The following MYOF variants were observed in gnomAD, a reference collection of about 807,000 sequenced individuals.
The protein encoded by MYOF is fer-1-like 3, myoferlin.
A neutral mutation model predicts 284.2 loss-of-function variants in MYOF; 244 were observed. The ratio of observed to expected loss-of-function variants is 0.86; its 90% CI spans 0.77 to 0.95. MYOF has a LOEUF of 0.95. MYOF is among the 40% of genes least tolerant of loss of function. The pLI is 0.00. For missense variants in MYOF, 2,496 were observed against 2,560.6 expected, an observed-to-expected ratio of 0.97 and a Z score of 0.54; for synonymous variants, 904 against 919.7, an observed-to-expected ratio of 0.98 and a Z score of 0.31.
intron 5 of MYOF, among the ~76,000 whole-genome samples, chr10:93,413,252 C>T (rs1245750685): frequency 6.6e-6 from 1 of 152,138 alleles, no homozygotes; most frequent in African/African-American, 2.4e-5. Flanking sequence ...AGACTTTAGG[C>T]TAAAGGGATG....
intron 39 of MYOF, among the ~76,000 whole-genome samples, chr10:93,338,823 T>C (rs895462860): frequency 3.3e-5 from 5 of 152,024 alleles, no homozygotes; most frequent in African/African-American, 9.7e-5. Context: ...TTGTGGAATA[T>C]TGTCAAACTA....
intron 1 of MYOF, among the ~76,000 whole-genome samples, chr10:93,481,270 G>A (rs1023247029): frequency 1.3e-5 from 2 of 151,972 alleles, no homozygotes; most frequent in African/African-American, 2.4e-5. Context: ...GCGTGATCAC[G>A]GCTCACTGTA....
At position 93,323,125 on chromosome 10, in the gene MYOF, G is replaced by A. The variant is rs34048939; in HGVS notation, c.5409C>T (p.Asp1803=). 87,193 of 1,610,274 alleles carry A rather than the reference G, an allele frequency of 0.054. 2,823 individuals are homozygous for A. The highest frequency in any genetic ancestry group is 0.089 in the Middle Eastern group (540 of 6,052). ...IIWNTKDVIL[D]EKSITGEEMS... ...TTTCCTCTCCTGTGATGCTTTTCTC[G>A]TCCAAGATAACGTCCTTGGTGTTCC... is the stretch of plus-strand genomic sequence containing the variant. Residue 1803 remains aspartate (D), a synonymous_variant, in exon 48 of 54, where the codon GAC becomes GAT. Coordinates refer to ENST00000359263, the MANE Select transcript of MYOF (RefSeq NM_013451.4).
chr10:93,452,359 T>C (rs1487589274), intron 2 of MYOF, among the ~76,000 whole-genome samples: 1 of 152,070 alleles, frequency 6.6e-6, no homozygotes. Flanking sequence ...AGACAACTCC[T>C]GGCTTCCTGC....
intron 43 of MYOF, among the ~76,000 whole-genome samples, chr10:93,331,708 G>A (rs1168138869): frequency 1.1e-4 from 17 of 148,438 alleles, no homozygotes; most frequent in Non-Finnish European, 2.1e-4. Flanking sequence ...GGGGGCGTAG[G>A]GGGGGTGGGG....
At chr10:93,444,632 C>T (rs2056375822) in intron 3 of MYOF, among the ~76,000 whole-genome samples, 1 of 152,170 alleles carries the variant, frequency 6.6e-6, no homozygotes, top group Non-Finnish European at 1.5e-5. Context: ...TGGTGAGGCC[C>T]AATGACAAGA....
At chr10:93,440,123 G>A (rs557633084) in intron 3 of MYOF, among the ~76,000 whole-genome samples, 67 of 152,212 alleles carry the variant, frequency 4.4e-4, no homozygotes, top group Non-Finnish European at 8.8e-4. Flanking sequence ...CATTATAAAA[G>A]ATTCCCCAGG....
chr10:93,472,566 G>T (rs1449761892), intron 1 of MYOF, among the ~76,000 whole-genome samples: 1 of 152,180 alleles, frequency 6.6e-6, no homozygotes, highest in Non-Finnish European at 1.5e-5. Context: ...TTGAACCCAG[G>T]AGGAGGAGGT....
In MYOF at chr10:93,399,507, T is replaced by C. The variant is rs1847175666; in HGVS notation, c.1118-12A>G. On this transcript the variant is annotated splice_polypyrimidine_tract_variant and intron_variant, in intron 12 of 53. Coordinates refer to ENST00000359263, the MANE Select transcript of MYOF (RefSeq NM_013451.4). Reference sequence around the variant, plus strand: ...GAAGGCATCATCCACTGGAAGGTAATAGTTATACAGCAGAAATTAAATTCA... The same window carrying C: ...GAAGGCATCATCCACTGGAAGGTAACAGTTATACAGCAGAAATTAAATTCA... The C allele has an allele frequency of 1.3e-6, 2 of 1,574,914 alleles. No homozygotes were observed. Among genetic ancestry groups the C allele is most frequent in the Non-Finnish European group, 1.7e-6 (2 of 1,153,550 alleles).
At chr10:93,317,502 T>C (rs1442498278) in intron 49 of MYOF, among the ~76,000 whole-genome samples, 1 of 152,096 alleles carries the variant, frequency 6.6e-6, no homozygotes, top group Non-Finnish European at 1.5e-5. Flanking sequence ...CTGGGTATGA[T>C]GGTGCATGCC....
intron 18 of MYOF, 137 bp downstream of exon 18, chr10:93,388,893 C>T: frequency 1.7e-6 from 2 of 1,181,758 alleles, no homozygotes; most frequent in Non-Finnish European, 2.3e-6. Flanking sequence ...ATGATCTCCA[C>T]AGTCTTTTCC....
intron 5 of MYOF, among the ~76,000 whole-genome samples, chr10:93,425,298 C>G (rs1360475992): frequency 6.6e-6 from 1 of 152,090 alleles, no homozygotes; most frequent in Admixed American, 6.5e-5. Context: ...CCCCTCCCTT[C>G]CTGGGACACA....
Position 93,319,766 on chromosome 10 carries a change from G to T in MYOF, c.5598+106C>A. Reference sequence around the variant, plus strand: ...TCCCCATCTCTGCTGAGAAGGAGCCGGACTCAGTGACCTCCGAGATCCTGA... The same window carrying T: ...TCCCCATCTCTGCTGAGAAGGAGCCTGACTCAGTGACCTCCGAGATCCTGA... On this transcript the variant is annotated intron_variant, in intron 49 of 53. Transcript: ENST00000359263. 3.4e-6 allele frequency: 5 copies of T among 1,475,570 alleles called. No individual in the cohort carries two copies. In the Admixed American group the frequency reaches 7.2e-5, roughly 21 times the overall value. The allele number at this position is 1,475,570 out of a possible 1,614,324, so 91.4% of individuals were successfully genotyped here.
At chr10:93,327,861 G>A (rs532878482) in intron 45 of MYOF, among the ~76,000 whole-genome samples, 8 of 152,260 alleles carry the variant, frequency 5.3e-5, no homozygotes, top group South Asian at 2.1e-4. Flanking sequence ...GGGTTCAAGC[G>A]ATTCTCATGC....
At chr10:93,440,411 G>A (rs1297494290) in intron 3 of MYOF, among the ~76,000 whole-genome samples, 5 of 11,206 alleles carry the variant, frequency 4.5e-4, no homozygotes, top group Non-Finnish European at 1.5e-3. Context: ...ACTCCGTCTC[G>A]AAAAAAAAAA....
rs1280077440 is a variant in MYOF at position 93,381,277 on chromosome 10, A to C, written c.1818T>G (p.Phe606Leu). The C allele has an allele frequency of 1.2e-6, 2 of 1,614,230 alleles. No homozygotes were observed. The highest frequency in any genetic ancestry group is 1.7e-6 in the Non-Finnish European group (2 of 1,180,046). Reference protein sequence around the residue: ...EVSIGNYGNKFDTTCKPLAST... With the variant: ...EVSIGNYGNKLDTTCKPLAST... The stretch of plus-strand genomic sequence containing the variant: ...ATGCCAAAGGCTTACAGGTGGTGTC[A>C]AACTTGTTGCCATAGTTCCCAATGC... The change falls in exon 20 of 54, where the codon TTT becomes TTG. Residue 606 changes from phenylalanine (F) to leucine (L), a missense_variant. Transcript: ENST00000359263.
At chr10:93,373,301 C>T (rs988545392) in intron 23 of MYOF, among the ~76,000 whole-genome samples, 1 of 152,096 alleles carries the variant, frequency 6.6e-6, no homozygotes, top group African/African-American at 2.4e-5. Context: ...AAGGGAAGGG[C>T]GAGAAGCAGA....
At chr10:93,312,154 A>G (rs1055139845) in intron 51 of MYOF, among the ~76,000 whole-genome samples, 1 of 152,254 alleles carries the variant, frequency 6.6e-6, no homozygotes, top group Non-Finnish European at 1.5e-5. Context: ...CTGGTTCAAA[A>G]TTAATGATCA....
chr10:93,369,759 G>T lies in MYOF; in HGVS notation c.2475C>A (p.Asn825Lys), dbSNP rs374782874. The T allele has an allele frequency of 6.2e-7, 1 of 1,614,142 alleles. No individual in the cohort carries two copies. Among genetic ancestry groups the T allele is most frequent in the Non-Finnish European group, 8.5e-7 (1 of 1,180,008 alleles). Residue 825 changes from asparagine to lysine, a missense_variant, in exon 25 of 54, where the codon AAC (asparagine) becomes AAA (lysine). By Grantham distance (94) the Asn-to-Lys change is moderately conservative. Around this residue, in one of 3 missense-constraint regions of MYOF, gnomAD observed 2,436 missense variants for 2,480.7 expected, o/e 0.98. Coordinates refer to ENST00000359263, the MANE Select transcript of MYOF (RefSeq NM_013451.4). Reference protein sequence around the residue: ...TIFLKYPQEKNNGPKVPVELR... With the variant: ...TIFLKYPQEKKNGPKVPVELR... Reference sequence around the variant, plus strand: ...ACTCCACAGGCACCTTTGGCCCGTTGTTTTTCTCCTGTGGATACTGTGAGA... The same window carrying T: ...ACTCCACAGGCACCTTTGGCCCGTTTTTTTTCTCCTGTGGATACTGTGAGA...
Sources: allele counts gnomAD v4.1 joint callset (sites outside exome capture counted in the v4.1 genomes callset), GRCh38; gene constraint gnomAD v4.1.1; regional missense constraint gnomAD v4.1.1; transcripts MANE v1.5; gene names NCBI Gene and HGNC (gene_info 2026-07-23, HGNC 2026-07-21).